F11R: variants seen among roughly 807,000 people sequenced by gnomAD.
F11R encodes F11 receptor.
A neutral mutation model predicts 39.3 loss-of-function variants in F11R; 27 were observed. The observed-to-expected ratio is 0.69, with a 90% CI of 0.51 to 0.95. The LOEUF (loss-of-function observed/expected upper bound fraction) is 0.95, where lower values mean the gene tolerates loss of function less well. Ranked by LOEUF, F11R falls within the 40% of genes least tolerant of loss-of-function variation. F11R has a pLI of 0.00. For missense variants in F11R, 335 were observed against 372.7 expected (o/e 0.90, Z 0.83); for synonymous variants, 131 against 144.9 (o/e 0.90, Z 0.69).
In F11R at chr1:161,000,409, A is replaced by C. The variant is rs534354323; in HGVS notation, c.389-61T>G. The C allele has an allele frequency of 3.8e-5, 58 of 1,541,554 alleles. No homozygotes were observed. The African/African-American group carries it at 6.0e-4, about 16-fold the overall frequency. ...GGTGGGGGCTGCTTGAGTCTAAGTA[A>C]CCAACTACAATGGTACCCCCAACTA... On this transcript the variant is annotated intron_variant, in intron 4 of 9. Coordinates refer to ENST00000368026, the MANE Select transcript of F11R (RefSeq NM_016946.6).
At chr1:161,006,979 C>A (rs754158909) in intron 1 of F11R, among the ~76,000 whole-genome samples, 1 of 151,556 alleles carries the variant, frequency 6.6e-6, no homozygotes, top group African/African-American at 2.4e-5. Flanking sequence ...GTCTGGCCAA[C>A]GTGGCAAAAA....
At chr1:160,999,547 A>G in intron 7 of F11R, 93 bp downstream of exon 7, 20 of 1,502,600 alleles carry the variant, frequency 1.3e-5, no homozygotes, top group Non-Finnish European at 8.3e-6. Context: ...CACACACATG[A>G]GCACAGTATC....
At chr1:161,000,529 C>G in intron 4 of F11R, 102 bp downstream of exon 4, 1 of 1,534,190 alleles carries the variant, frequency 6.5e-7, no homozygotes, top group Non-Finnish European at 8.9e-7. Flanking sequence ...CTGAATAGCC[C>G]ACCTGTGGGT....
At chr1:161,003,842 A>C (rs1309604960) in intron 1 of F11R, among the ~76,000 whole-genome samples, 1 of 151,780 alleles carries the variant, frequency 6.6e-6, no homozygotes, top group East Asian at 1.9e-4. Context: ...TAGACTCACC[A>C]CAACCTCCGC....
intron 1 of F11R, among the ~76,000 whole-genome samples, chr1:161,001,901 C>T (rs1054812553): frequency 2.0e-5 from 3 of 152,114 alleles, no homozygotes; most frequent in Admixed American, 6.6e-5. Flanking sequence ...CATGACAGAT[C>T]GGCAAGACGT....
intron 1 of F11R, among the ~76,000 whole-genome samples, chr1:161,008,061 C>T (rs542356461): frequency 5.9e-5 from 9 of 152,268 alleles, no homozygotes; most frequent in South Asian, 4.1e-4. Flanking sequence ...TACTGATGTA[C>T]GTGGTAAACG....
chr1:161,005,465 G>A (rs569496923), intron 1 of F11R, among the ~76,000 whole-genome samples: 3 of 151,926 alleles, frequency 2.0e-5, no homozygotes, highest in South Asian at 2.1e-4. Flanking sequence ...TCTGTCTCCC[G>A]GGTTCCAGCA....
intron 1 of F11R, among the ~76,000 whole-genome samples, chr1:161,010,241 C>T (rs1290913150): frequency 2.0e-5 from 3 of 151,640 alleles, no homozygotes; most frequent in Non-Finnish European, 4.4e-5. Flanking sequence ...GTCAGGAGTT[C>T]GAGACTAGCC....
At chr1:161,005,919 A>T (rs1648775670) in intron 1 of F11R, among the ~76,000 whole-genome samples, 1 of 151,942 alleles carries the variant, frequency 6.6e-6, no homozygotes, top group Non-Finnish European at 1.5e-5. Context: ...CGGGCAGGTC[A>T]CCTGAGGTCA....
In F11R at chr1:160,999,821, T is replaced by G. The variant is rs140170242; in HGVS notation, c.694+55A>C. ...ACCTACAGTATCACCAATGGCAGGATGAAAAGCAGACCCCAATCCCCACCC... is the reference window on the plus strand; with the variant it reads ...ACCTACAGTATCACCAATGGCAGGAGGAAAAGCAGACCCCAATCCCCACCC... On this transcript the variant is annotated intron_variant, in intron 6 of 9. Coordinates refer to ENST00000368026, the MANE Select transcript of F11R (RefSeq NM_016946.6). 672 of 1,608,358 alleles carry G rather than the reference T, an allele frequency of 4.2e-4. 1 individual carries two copies. In the African/African-American group the frequency reaches 8.2e-3, roughly 20 times the overall value.
rs751052203 is a variant in F11R at position 161,021,051 on chromosome 1, T to C, written c.23A>G (p.Glu8Gly). Reference sequence around the variant, plus strand: ...TATGAAGAGGCACAACAGTTTCCTCTCGACTTGCGCCTTTGTCCCCATCGC... The same window carrying C: ...TATGAAGAGGCACAACAGTTTCCTCCCGACTTGCGCCTTTGTCCCCATCGC... MGTKAQV[E>G]RKLLCLFILA... The change falls in exon 1 of 10, where the codon GAG becomes GGG. Residue 8 changes from glutamate to glycine, a missense_variant. Physicochemically the swap from Glu to Gly is moderately conservative, Grantham distance 98. Transcript: ENST00000368026. 8 of 1,613,878 alleles carry C rather than the reference T, an allele frequency of 5.0e-6. No individual in the cohort carries two copies. The highest frequency in any genetic ancestry group is 5.1e-6 in the Non-Finnish European group (6 of 1,179,878).
At position 160,999,934 on chromosome 1, in the gene F11R, A is replaced by C. The variant is rs1191951442; in HGVS notation, c.636T>G (p.Cys212Trp). 14 of 1,614,162 alleles carry C rather than the reference A, an allele frequency of 8.7e-6. No homozygotes were observed. Among genetic ancestry groups the C allele is most frequent in the Non-Finnish European group, 1.2e-5 (14 of 1,180,024 alleles). ...LSASDTGEYS[C>W]EARNGYGTPM... Reference sequence around the variant, plus strand: ...GTGTCCCATACCCATTCCGTGCCTCACAGCTGTATTCTCCAGTATCAGAGG... The same window carrying C: ...GTGTCCCATACCCATTCCGTGCCTCCCAGCTGTATTCTCCAGTATCAGAGG... The change falls in exon 6 of 10, where the codon TGT (cysteine) becomes TGG (tryptophan). Residue 212 changes from cysteine (C) to tryptophan (W), a missense_variant. Transcript: ENST00000368026.
intron 1 of F11R, among the ~76,000 whole-genome samples, chr1:161,009,230 T>A (rs565704170): frequency 3.0e-4 from 45 of 152,258 alleles, no homozygotes; most frequent in Non-Finnish European, 5.7e-4. Context: ...CTAAGCCTCT[T>A]TCCTAGGCTT....
rs201770080 is a variant in F11R at position 161,000,619 on chromosome 1, T to C, written c.388+12A>G. 3.8e-5 allele frequency: 62 copies of C among 1,613,552 alleles called. No homozygotes were observed. The highest frequency in any genetic ancestry group is 3.3e-4 in the Middle Eastern group (2 of 6,082). On this transcript the variant is annotated intron_variant, in intron 4 of 9. Coordinates refer to ENST00000368026, the MANE Select transcript of F11R (RefSeq NM_016946.6). ...TAACTCCAGGCCCACCCAGAAGACA[T>C]GGGGCACGTACCAAGCACGATGAGC...
chr1:161,000,192 G>T lies in F11R; in HGVS notation c.545C>A (p.Ala182Asp), dbSNP rs372127426. ...VMPTNPKSTR[A>D]FSNSSYVLNP... is the part of the protein sequence containing the mutation. ...CAGGACATAGGAAGAGTTGCTGAAG[G>T]CACGGGTGCTTTTGGGATTCGTAGG... Residue 182 changes from alanine (A) to aspartate (D), a missense_variant, in exon 5 of 10, where the codon GCC becomes GAC. Physicochemically the swap from Ala to Asp is moderately radical, Grantham distance 126. Coordinates refer to ENST00000368026, the MANE Select transcript of F11R (RefSeq NM_016946.6). The T allele has an allele frequency of 2.5e-6, 4 of 1,614,108 alleles. No individual in the cohort carries two copies. The highest frequency in any genetic ancestry group is 3.4e-6 in the Non-Finnish European group (4 of 1,180,022).
At chr1:161,005,259 A>G (rs11585088) in intron 1 of F11R, among the ~76,000 whole-genome samples, 12,297 of 151,634 alleles carry the variant, frequency 0.081, 680 homozygotes, top group Non-Finnish European at 0.12. Context: ...CTGAGGACAC[A>G]TAAGTCTCCT....
chr1:160,999,742 G>C lies in F11R; in HGVS notation c.700C>G (p.Arg234Gly). The C allele has an allele frequency of 6.2e-7, 1 of 1,614,020 alleles. No individual in the cohort carries two copies. The highest frequency in any genetic ancestry group is 8.5e-7 in the Non-Finnish European group (1 of 1,179,938). Residue 234 changes from arginine (R) to glycine (G), a missense_variant, in exon 7 of 10, where the codon CGG (arginine) becomes GGG (glycine). Arg to Gly is a moderately radical substitution (Grantham distance 125). Coordinates refer to ENST00000368026, the MANE Select transcript of F11R (RefSeq NM_016946.6). The part of the protein sequence containing the change: ...SNAVRMEAVE[R>G]NVGVIVAAVL... ...GCTGCCACGATGACCCCCACATTCC[G>C]CTCCACTGCGAGACACAAATAAGAA...
chr1:161,011,717 G>A (rs899560562), intron 1 of F11R, among the ~76,000 whole-genome samples: 5 of 146,502 alleles, frequency 3.4e-5, no homozygotes, highest in Non-Finnish European at 6.0e-5. Context: ...GTGACAGAGC[G>A]AGATTCCACC....
Position 161,001,033 on chromosome 1 carries a change from A to G in F11R, c.228T>C (p.Asn76=), listed in dbSNP as rs1307059706. The change falls in exon 3 of 10, where the codon AAT becomes AAC. Residue 76 remains asparagine, a synonymous_variant. Coordinates refer to ENST00000368026, the MANE Select transcript of F11R (RefSeq NM_016946.6). ...GAAGCAACTCACCTGTGATCTTGTT[A>G]TTATAGCAAACGAGTCTGGTGGTGT... ...QGDTTRLVCY[N]NKITASYEDR... The G allele has an allele frequency of 6.2e-7, 1 of 1,613,932 alleles. No homozygotes were observed. The highest frequency in any genetic ancestry group is 1.3e-5 in the African/African-American group (1 of 74,894).
Sources: gnomAD v4.1 joint callset for allele counts (sites outside exome capture counted in the v4.1 genomes callset) on GRCh38, gnomAD v4.1.1 for gene constraint, MANE v1.5 for transcripts, NCBI Gene and HGNC (gene_info 2026-07-23, HGNC 2026-07-21) for gene names.